The following EEIG2 variants were observed in gnomAD, a reference collection of about 807,000 sequenced individuals.
EEIG2 encodes the protein EEIG family member 2.
chr1:108,588,086 C>T, the EEIG2 span, among the ~76,000 whole-genome samples: 1 of 151,984 alleles, frequency 6.6e-6, no homozygotes, highest in Non-Finnish European at 1.5e-5. Flanking sequence ...ATATACATCC[C>T]ACATTTTCTT....
chr1:108,589,334 C>T, the EEIG2 span, among the ~76,000 whole-genome samples: 1 of 152,116 alleles, frequency 6.6e-6, no homozygotes, highest in Non-Finnish European at 1.5e-5. Flanking sequence ...ATGCATATCC[C>T]CATTTGGCTG....
chr1:108,591,884 A>G, the EEIG2 span, among the ~76,000 whole-genome samples: 1 of 152,280 alleles, frequency 6.6e-6, no homozygotes, highest in South Asian at 2.1e-4. Flanking sequence ...AAGGCATGCA[A>G]ATGAGAAATA....
At chr1:108,588,789 C>T in the EEIG2 span, among the ~76,000 whole-genome samples, 1 of 149,638 alleles carries the variant, frequency 6.7e-6, no homozygotes, top group Admixed American at 6.7e-5. Context: ...ATATTAACCC[C>T]TTATCAGCTA....
the EEIG2 span, among the ~76,000 whole-genome samples, chr1:108,618,719 G>A: frequency 6.6e-6 from 1 of 151,682 alleles, no homozygotes; most frequent in Non-Finnish European, 1.5e-5. Context: ...CACACCTGTG[G>A]TTCCAGCTAC....
At chr1:108,560,111 A>AGCGGCGGCGGAGGCGGCGGCG in the EEIG2 span, 1 of 173,448 alleles carries the variant, frequency 5.8e-6, no homozygotes, top group Admixed American at 6.6e-5. Context: ...GACGGGCGGC[A>AGCGGCGGCGGAGGCGGCGGCG]GCGGCGGCGG....
chr1:108,632,884 T>A, the EEIG2 span, among the ~76,000 whole-genome samples: 16 of 151,652 alleles, frequency 1.1e-4, no homozygotes, highest in African/African-American at 3.6e-4. Context: ...CACTGCAGCC[T>A]TCAACCCCGG....
At chr1:108,605,138 A>G in the EEIG2 span, among the ~76,000 whole-genome samples, 26 of 152,340 alleles carry the variant, frequency 1.7e-4, no homozygotes, top group African/African-American at 6.3e-4. Context: ...AGAGTAGGAT[A>G]TAGCAAATAT....
the EEIG2 span, among the ~76,000 whole-genome samples, chr1:108,610,021 C>T: frequency 6.6e-6 from 1 of 152,146 alleles, no homozygotes; most frequent in Admixed American, 6.6e-5. Context: ...TGTGACAAAC[C>T]TGCACGTCCT....
the EEIG2 span, among the ~76,000 whole-genome samples, chr1:108,561,670 A>G: frequency 1.3e-5 from 2 of 152,268 alleles, no homozygotes; most frequent in Non-Finnish European, 1.5e-5. Context: ...AGTTTGCCGA[A>G]GACAGTTTTT....
chr1:108,589,083 A>G, the EEIG2 span, among the ~76,000 whole-genome samples: 1 of 151,820 alleles, frequency 6.6e-6, no homozygotes, highest in Admixed American at 6.6e-5. Flanking sequence ...ATTAGAGCTC[A>G]CTCTTTTCTT....
chr1:108,606,877 A>C, the EEIG2 span, among the ~76,000 whole-genome samples: 2 of 151,956 alleles, frequency 1.3e-5, no homozygotes, highest in African/African-American at 4.8e-5. Flanking sequence ...TACCCAGGCT[A>C]GTCTTGAACT....
chr1:108,619,708 G>A, the EEIG2 span, among the ~76,000 whole-genome samples: 2 of 152,110 alleles, frequency 1.3e-5, no homozygotes, highest in Admixed American at 6.5e-5. Context: ...GCAACATGGT[G>A]AAACCCTGTC....
chr1:108,568,401 C>T, the EEIG2 span, among the ~76,000 whole-genome samples: 16 of 152,062 alleles, frequency 1.1e-4, no homozygotes, highest in Admixed American at 9.2e-4. Flanking sequence ...GGAAGATATT[C>T]GGATTCTTAA....
the EEIG2 span, among the ~76,000 whole-genome samples, chr1:108,615,207 C>T: frequency 2.0e-5 from 3 of 152,206 alleles, no homozygotes; most frequent in African/African-American, 7.2e-5. Flanking sequence ...TACTAGTTAT[C>T]TGGTTTTTAA....
the EEIG2 span, among the ~76,000 whole-genome samples, chr1:108,574,281 T>C: frequency 6.6e-6 from 1 of 152,094 alleles, no homozygotes; most frequent in African/African-American, 2.4e-5. Flanking sequence ...AAATACTTTA[T>C]GATTCTGCTT....
chr1:108,617,745 C>A, the EEIG2 span, among the ~76,000 whole-genome samples: 3 of 152,122 alleles, frequency 2.0e-5, no homozygotes, highest in Admixed American at 2.0e-4. Flanking sequence ...AAAGAAACCA[C>A]CAGTGTGATC....
At chr1:108,636,299 C>T in the EEIG2 span, 2 of 152,124 alleles carry the variant, frequency 1.3e-5, no homozygotes, top group South Asian at 2.1e-4. Flanking sequence ...TCTTACATGA[C>T]GGTTTCCATG....
At chr1:108,586,086 A>C in the EEIG2 span, among the ~76,000 whole-genome samples, 2 of 152,030 alleles carry the variant, frequency 1.3e-5, no homozygotes, top group Admixed American at 1.3e-4. Flanking sequence ...GTACTGGAGG[A>C]TGGCAAAATT....
the EEIG2 span, among the ~76,000 whole-genome samples, chr1:108,580,297 T>G: frequency 1.3e-5 from 2 of 152,142 alleles, no homozygotes; most frequent in Non-Finnish European, 2.9e-5. Context: ...CACTGGCCAT[T>G]CCTTCATCTC....
Sources: allele counts gnomAD v4.1 joint callset (sites outside exome capture counted in the v4.1 genomes callset), GRCh38; gene constraint gnomAD v4.1.1; transcripts MANE v1.5; gene names NCBI Gene and HGNC (gene_info 2026-07-23, HGNC 2026-07-21).